Variants in TAF6 observed in about 807,000 individuals in gnomAD.
The protein encoded by TAF6 is transcription initiation factor TFIID subunit 6.
Under a neutral mutation model 73.5 loss-of-function variants are expected in TAF6, and 50 were observed. The observed-to-expected ratio is 0.68, with a 90% confidence interval of 0.54 to 0.86. The LOEUF is 0.86. Among genes scored for constraint, TAF6 ranks in the 40% least tolerant of loss-of-function variants. The pLI is 0.00. For synonymous variants in TAF6, 424 were observed against 376.7 expected (o/e 1.13, Z -1.45); for missense variants, 768 against 899.5 (o/e 0.85, Z 1.87).
intron 4 of TAF6, 35 bp from the exon 5 acceptor site, chr7:100,113,440 C>T (rs1291399148): frequency 3.2e-6 from 5 of 1,551,764 alleles, no homozygotes; most frequent in East Asian, 4.5e-5. Context: ...TGAATTGCCA[C>T]GCATGGACAT....
At chr7:100,124,889 C>T in the TAF6 span, 1 of 1,583,648 alleles carries the variant, frequency 6.3e-7, no homozygotes, top group Non-Finnish European at 8.6e-7. Context: ...AGATCTTTGA[C>T]CCTTGCCTTT....
At chr7:100,120,772 C>T (rs560236496), upstream of TAF6, among the ~76,000 whole-genome samples, 3 of 152,302 alleles carry the variant, frequency 2.0e-5, no homozygotes, top group African/African-American at 7.2e-5. Context: ...TGGCTCACAT[C>T]TGTAATCCCA....
chr7:100,112,886 T>C lies in TAF6; in HGVS notation c.486A>G (p.Thr162=), dbSNP rs201476323. 37 of 1,613,520 alleles carry C rather than the reference T, an allele frequency of 2.3e-5. No individual in the cohort carries two copies. The Admixed American group carries it at 3.5e-4, about 15-fold the overall frequency. Residue 162 remains threonine, a synonymous_variant, in exon 6 of 15, where the codon ACA becomes ACG. Coordinates refer to ENST00000453269, the MANE Select transcript of TAF6 (RefSeq NM_139315.3). Reference sequence around the variant, plus strand: ...CTGGCTTGGCTGACTTCAGGGGTTCTGTGGCTTCAGCCTTCTGTTGCTCTT... The same window carrying C: ...CTGGCTTGGCTGACTTCAGGGGTTCCGTGGCTTCAGCCTTCTGTTGCTCTT... ...APKEQQKAEA[T]EPLKSAKPGQ... is the part of the protein sequence containing the mutation.
At chr7:100,119,675 A>G (rs774493176), upstream of TAF6, 36 of 1,611,598 alleles carry the variant, frequency 2.2e-5, no homozygotes, top group Non-Finnish European at 2.9e-5. Flanking sequence ...CCGCCTGGGA[A>G]TTTAAGGGAC....
chr7:100,119,458 A>G, upstream of TAF6: 1 of 1,324,366 alleles, frequency 7.6e-7, no homozygotes, highest in Non-Finnish European at 9.6e-7. Flanking sequence ...ATTATATTTT[A>G]AAAGTTTGTT....
chr7:100,120,658 C>T (rs781569739), upstream of TAF6, among the ~76,000 whole-genome samples: 7 of 152,188 alleles, frequency 4.6e-5, no homozygotes, highest in Non-Finnish European at 1.0e-4. Context: ...CTCCCCTGAC[C>T]TGTCAATCTT....
chr7:100,112,669 C>T lies in TAF6; in HGVS notation c.574+129G>A, dbSNP rs529187493. Reference sequence around the variant, plus strand: ...GGTGGAGGTTGCAGTGAGCTGAGATCGTACCACTACACTCCAGCCTGGGTG... The same window carrying T: ...GGTGGAGGTTGCAGTGAGCTGAGATTGTACCACTACACTCCAGCCTGGGTG... On this transcript the variant is annotated intron_variant, in intron 6 of 14. Coordinates refer to ENST00000453269, the MANE Select transcript of TAF6 (RefSeq NM_139315.3). 273 of 1,326,522 alleles carry T rather than the reference C, an allele frequency of 2.1e-4. No homozygotes were observed. The African/African-American group carries it at 3.5e-3, about 17-fold the overall frequency. The allele number at this position is 1,326,522 out of a possible 1,614,324, so 82.2% of individuals were successfully genotyped here.
chr7:100,112,961 A>AC, intron 5 of TAF6, 44 bp from the exon 6 acceptor site: 1 of 1,588,274 alleles, frequency 6.3e-7, no homozygotes, highest in Non-Finnish European at 8.6e-7. Flanking sequence ...TGAGCATAGT[A>AC]GAAAAGTAAA....
chr7:100,114,260 A>C lies in TAF6; in HGVS notation c.-51T>G. Reference sequence around the variant, plus strand: ...GAAGGATGAAGCCCCCGGTGGAGAGACGGAGACCCTGGCAGAGGAACGGGG... The same window carrying C: ...GAAGGATGAAGCCCCCGGTGGAGAGCCGGAGACCCTGGCAGAGGAACGGGG... On this transcript the variant is annotated 5_prime_UTR_variant, in exon 2 of 15. Coordinates refer to ENST00000453269, the MANE Select transcript of TAF6 (RefSeq NM_139315.3). The C allele has an allele frequency of 6.2e-7, 1 of 1,613,504 alleles. No homozygotes were observed. The highest frequency in any genetic ancestry group is 8.5e-7 in the Non-Finnish European group (1 of 1,180,004).
upstream of TAF6, among the ~76,000 whole-genome samples, chr7:100,123,187 C>A (rs1185467692): frequency 2.0e-5 from 3 of 151,900 alleles, no homozygotes; most frequent in East Asian, 5.8e-4. Context: ...AATAAAAACA[C>A]AAAAGTTAGC....
chr7:100,111,093 G>A (rs1178175733), intron 10 of TAF6, 46 bp downstream of exon 10: 1 of 1,592,336 alleles, frequency 6.3e-7, no homozygotes, highest in Middle Eastern at 1.7e-4. Context: ...CCCAACCAGA[G>A]GTGGCCAGTG....
At chr7:100,108,735 A>G (rs1796849516) in intron 12 of TAF6, 195 bp from the exon 13 acceptor site, 1 of 529,210 alleles carries the variant, frequency 1.9e-6, no homozygotes, top group Non-Finnish European at 3.2e-6. Context: ...GGGCTTTCTC[A>G]TAAGAAAAGA....
upstream of TAF6, chr7:100,119,688 A>G (rs750210856): frequency 5.0e-6 from 8 of 1,613,710 alleles, no homozygotes; most frequent in South Asian, 3.3e-5. Context: ...TAAGGGACCC[A>G]CACTACCTTC....
At chr7:100,122,899 A>G (rs1452748009), upstream of TAF6, 6 of 1,612,384 alleles carry the variant, frequency 3.7e-6, no homozygotes, top group Non-Finnish European at 5.1e-6. Flanking sequence ...ACATACCTCA[A>G]GAAGCAGGTA....
upstream of TAF6, among the ~76,000 whole-genome samples, chr7:100,121,768 C>T (rs1202625328): frequency 4.7e-5 from 7 of 149,458 alleles, no homozygotes; most frequent in South Asian, 2.3e-4. Context: ...ATGAAGAAAC[C>T]GGCCGGGCGT....
chr7:100,115,049 CAG>C (rs1797561136), intron 1 of TAF6, among the ~76,000 whole-genome samples: 1 of 152,100 alleles, frequency 6.6e-6, no homozygotes, highest in African/African-American at 2.4e-5. Flanking sequence ...GGGGCAGAGA[CAG>C]AGTCTCACTA....
chr7:100,114,472 C>G, intron 1 of TAF6: 1 of 625,064 alleles, frequency 1.6e-6, no homozygotes, highest in Non-Finnish European at 2.8e-6. Context: ...ATCCCACCAG[C>G]ACTTTGGGAG....
intron 14 of TAF6, 46 bp from the exon 15 acceptor site, chr7:100,107,669 C>T (rs767970352): frequency 1.9e-6 from 3 of 1,594,514 alleles, no homozygotes; most frequent in South Asian, 1.1e-5. Context: ...GCCCTCCCTG[C>T]CCCCCAGAGG....
intron 1 of TAF6, among the ~76,000 whole-genome samples, chr7:100,115,899 A>G (rs1797631995): frequency 6.6e-6 from 1 of 152,018 alleles, no homozygotes; most frequent in Admixed American, 6.6e-5. Context: ...TGAACCTGGG[A>G]AGTGGAGGTT....
Sources: allele counts gnomAD v4.1 joint callset (sites outside exome capture counted in the v4.1 genomes callset), GRCh38; gene constraint gnomAD v4.1.1; transcripts MANE v1.5; gene names NCBI Gene and HGNC (gene_info 2026-07-23, HGNC 2026-07-21).